Variants in COL8A1 observed in about 807,000 individuals in gnomAD.
COL8A1 encodes collagen alpha-1(VIII) chain.
In COL8A1, 21 loss-of-function variants were observed where a neutral mutation model predicts 42.7. The ratio of observed to expected loss-of-function variants is 0.49; its 90% confidence interval spans 0.35 to 0.71. The LOEUF is 0.71. COL8A1 is among the 30% of genes least tolerant of loss of function. The pLI, the probability that COL8A1 is intolerant of heterozygous loss-of-function variation, is 0.01. For missense variants in COL8A1, 788 were observed against 962.4 expected (o/e 0.82, Z 2.40); for synonymous variants, 367 against 369.1 (o/e 0.99, Z 0.06).
At chr3:99,793,911 C>T (rs1942050884) in intron 3 of COL8A1, among the ~76,000 whole-genome samples, 1 of 152,024 alleles carries the variant, frequency 6.6e-6, no homozygotes, top group Non-Finnish European at 1.5e-5. Flanking sequence ...GCCACCACAC[C>T]CGGCTAATTT....
intron 1 of COL8A1, among the ~76,000 whole-genome samples, chr3:99,681,401 C>T (rs1938877590): frequency 6.6e-6 from 1 of 152,110 alleles, no homozygotes; most frequent in South Asian, 2.1e-4. Flanking sequence ...TATTTTCCAT[C>T]CGTAAAATTT....
chr3:99,675,953 C>G (rs1382416687), intron 1 of COL8A1, among the ~76,000 whole-genome samples: 2 of 152,050 alleles, frequency 1.3e-5, no homozygotes, highest in Non-Finnish European at 2.9e-5. Context: ...TGTGAAATGT[C>G]TTGGCGAACT....
chr3:99,768,386 A>C (rs1467736286), intron 2 of COL8A1, among the ~76,000 whole-genome samples: 2 of 152,248 alleles, frequency 1.3e-5, no homozygotes, highest in East Asian at 3.8e-4. Context: ...ACTAGCTACC[A>C]GATACTTTTC....
At chr3:99,743,592 TC>T (rs1488774617) in intron 1 of COL8A1, among the ~76,000 whole-genome samples, 1 of 150,022 alleles carries the variant, frequency 6.7e-6, no homozygotes, top group Non-Finnish European at 1.5e-5. Flanking sequence ...AGAGCCACTA[TC>T]CACAGGTAAA....
At chr3:99,760,939 C>T (rs571011403) in intron 2 of COL8A1, among the ~76,000 whole-genome samples, 3 of 152,170 alleles carry the variant, frequency 2.0e-5, no homozygotes, top group Non-Finnish European at 4.4e-5. Flanking sequence ...TGTTTGAAGT[C>T]AGATCAATTG....
intron 1 of COL8A1, chr3:99,680,233 A>T (rs994298158): frequency 1.3e-5 from 2 of 151,594 alleles, no homozygotes; most frequent in African/African-American, 2.4e-5. Context: ...CCTATGAGTG[A>T]GAACAGGCGG....
At chr3:99,728,687 A>G (rs1285414891) in intron 1 of COL8A1, among the ~76,000 whole-genome samples, 2 of 151,992 alleles carry the variant, frequency 1.3e-5, no homozygotes, top group African/African-American at 2.4e-5. Context: ...GTATTTAATT[A>G]ATCAATTATT....
rs548976718 is a variant in COL8A1 at position 99,762,399 on chromosome 3, T to TA, written c.-4+17386dup. The stretch of plus-strand genomic sequence containing the variant: ...GTTATCAGTTGAGTTAACAAACTGC[T>TA]AAAAAAAATTATGTTCTATCCTTCT... On this transcript the variant is annotated intron_variant, in intron 2 of 3. Coordinates refer to ENST00000652472, the MANE Select transcript of COL8A1 (RefSeq NM_020351.4). Among the ~76,000 whole-genome samples, 38 of 152,212 alleles carry TA rather than the reference T, an allele frequency of 2.5e-4. No individual in the cohort carries two copies. The East Asian group carries it at 6.4e-3, about 25-fold the overall frequency.
intron 1 of COL8A1, among the ~76,000 whole-genome samples, chr3:99,686,268 T>C (rs1173526395): frequency 6.6e-6 from 1 of 152,242 alleles, no homozygotes; most frequent in East Asian, 1.9e-4. Flanking sequence ...ATACACTATG[T>C]AATACTAATG....
At chr3:99,770,281 G>C (rs1941553032) in intron 2 of COL8A1, among the ~76,000 whole-genome samples, 1 of 152,154 alleles carries the variant, frequency 6.6e-6, no homozygotes, top group South Asian at 2.1e-4. Context: ...TTTCAGGAGA[G>C]AAAGGCAGGA....
At chr3:99,750,112 A>C (rs1166948066) in intron 2 of COL8A1, among the ~76,000 whole-genome samples, 3 of 119,624 alleles carry the variant, frequency 2.5e-5, no homozygotes, top group Admixed American at 1.2e-4. Context: ...GCTGGAGTGC[A>C]GTGGCATGAT....
chr3:99,751,284 A>G (rs2107413463), intron 2 of COL8A1, among the ~76,000 whole-genome samples: 1 of 152,148 alleles, frequency 6.6e-6, no homozygotes, highest in South Asian at 2.1e-4. Context: ...AGGGTTAAGC[A>G]TGGTGGCTCA....
chr3:99,790,981 G>A lies in COL8A1; in HGVS notation c.299G>A (p.Gly100Asp). The A allele has an allele frequency of 6.2e-7, 1 of 1,613,184 alleles. No individual in the cohort carries two copies. Among genetic ancestry groups the A allele is most frequent in the Non-Finnish European group, 8.5e-7 (1 of 1,179,174 alleles). ...MKEIQPAPRM[G>D]KEAVPKKGKE... ...GAAATTCAACCGGCGCCAAGAATGG[G>A]CAAGGAAGCCGTACCCAAGAAAGGC... The change falls in exon 3 of 4, where the codon GGC becomes GAC. Residue 100 changes from glycine (G) to aspartate (D), a missense_variant. This residue lies in a region of COL8A1 where 421 missense variants were observed against 553.1 expected (regional missense o/e 0.76). Coordinates refer to ENST00000652472, the MANE Select transcript of COL8A1 (RefSeq NM_020351.4).
chr3:99,754,922 TG>T (rs543475546), intron 2 of COL8A1, among the ~76,000 whole-genome samples: 1 of 152,338 alleles, frequency 6.6e-6, no homozygotes, highest in East Asian at 1.9e-4. Flanking sequence ...TAAGACTTGC[TG>T]GCATCAAATT....
chr3:99,752,471 G>A (rs1008259778), intron 2 of COL8A1, among the ~76,000 whole-genome samples: 1 of 151,842 alleles, frequency 6.6e-6, no homozygotes, highest in South Asian at 2.1e-4. Context: ...GGCGCCATGT[G>A]CTTGTATATT....
At position 99,796,235 on chromosome 3, in the gene COL8A1, T is replaced by TA; in HGVS notation, c.*100dup. 1 of 1,015,688 alleles carries TA rather than the reference T, an allele frequency of 9.8e-7. No homozygotes were observed. Among genetic ancestry groups the TA allele is most frequent in the Non-Finnish European group, 1.4e-6 (1 of 729,698 alleles). The allele number at this position is 1,015,688 out of a possible 1,614,324, so 62.9% of individuals were successfully genotyped here. ...AAAAACATAATTGCTTCAAAACACT[T>TA]ACACAGTTGGAAAGTTATATGTAAG... On this transcript the variant is annotated 3_prime_UTR_variant, in exon 4 of 4. Coordinates refer to ENST00000652472, the MANE Select transcript of COL8A1 (RefSeq NM_020351.4).
chr3:99,640,301 G>A (rs925878948), intron 1 of COL8A1, among the ~76,000 whole-genome samples: 2 of 152,126 alleles, frequency 1.3e-5, no homozygotes, highest in African/African-American at 4.8e-5. Context: ...TATATCTGAT[G>A]CACATAGGTA....
At chr3:99,701,980 TA>T (rs1939553912) in intron 1 of COL8A1, among the ~76,000 whole-genome samples, 1 of 152,190 alleles carries the variant, frequency 6.6e-6, no homozygotes, top group African/African-American at 2.4e-5. Context: ...AGAAGGAGCC[TA>T]TGATGAAGAA....
intron 1 of COL8A1, among the ~76,000 whole-genome samples, chr3:99,727,239 C>T (rs1940362264): frequency 6.6e-6 from 1 of 152,048 alleles, no homozygotes; most frequent in South Asian, 2.1e-4. Flanking sequence ...TATAAGAATG[C>T]TTGTGATTTT....
Sources: allele counts gnomAD v4.1 joint callset (sites outside exome capture counted in the v4.1 genomes callset), GRCh38; gene constraint gnomAD v4.1.1; regional missense constraint gnomAD v4.1.1; transcripts MANE v1.5; gene names NCBI Gene and HGNC (gene_info 2026-07-23, HGNC 2026-07-21).